The following SFR1 variants were observed in gnomAD, a reference collection of about 807,000 sequenced individuals.
SFR1 encodes SWI5 dependent homologous recombination repair protein 1, also known as swi5-dependent recombination DNA repair protein 1 homolog.
Under a neutral mutation model 26.2 loss-of-function variants are expected in SFR1, and 24 were observed. That is an observed-to-expected ratio of 0.92 (90% CI 0.66 to 1.29). The LOEUF (loss-of-function observed/expected upper bound fraction) is 1.29, where lower values mean the gene tolerates loss of function less well. SFR1 is among the 50% of genes most tolerant of loss of function. The pLI is 0.00. For missense variants in SFR1, 276 were observed against 270.2 expected (o/e 1.02, Z -0.15); for synonymous variants, 77 against 96.6 (o/e 0.80, Z 1.19).
intron 3 of SFR1, among the ~76,000 whole-genome samples, chr10:104,125,179 A>G (rs1302381255): frequency 1.3e-5 from 2 of 152,198 alleles, no homozygotes; most frequent in East Asian, 1.9e-4. Context: ...AGTGGAAAGC[A>G]TAGTGTCATT....
intron 2 of SFR1, 60 bp downstream of exon 2, chr10:104,123,146 G>T: frequency 7.5e-7 from 1 of 1,327,218 alleles, no homozygotes; most frequent in Non-Finnish European, 1.0e-6. Flanking sequence ...TTGTGGCAGT[G>T]GTGGTTTAAA....
At chr10:104,125,047 C>T (rs2087010583) in intron 3 of SFR1, among the ~76,000 whole-genome samples, 2 of 152,298 alleles carry the variant, frequency 1.3e-5, no homozygotes, top group Middle Eastern at 3.4e-3. Context: ...AAGCAGTCCT[C>T]CCACCTTGGC....
At chr10:104,120,235 C>G (rs540688673), upstream of SFR1, among the ~76,000 whole-genome samples, 1 of 152,192 alleles carries the variant, frequency 6.6e-6, no homozygotes, top group African/African-American at 2.4e-5. Context: ...ACAAATCATT[C>G]TGCTTTTTCT....
chr10:104,125,763 G>A lies in SFR1; in HGVS notation c.*59G>A, dbSNP rs1198125065. ...TGACAACTTAATTAAAAGATACTTA[G>A]GCACTTTTTTTTTTTTTTTGAGACT... On this transcript the variant is annotated 3_prime_UTR_variant, in exon 4 of 4. Coordinates refer to ENST00000369727, the MANE Select transcript of SFR1 (RefSeq NM_001002759.2). 3.1e-5 allele frequency: 39 copies of A among 1,240,450 alleles called. No individual in the cohort carries two copies. Among genetic ancestry groups the A allele is most frequent in the Non-Finnish European group, 3.9e-5 (35 of 894,982 alleles). 76.8% of individuals were successfully genotyped at this position (1,240,450 alleles called of 1,614,324 possible). A position where few individuals can be genotyped will look rare whatever the true frequency, so the allele number is the denominator to read the frequency against.
At chr10:104,123,438 G>GGTCTTTTCCTTACTCTGTAATTCTGAA in intron 2 of SFR1, 1 of 384,554 alleles carries the variant, frequency 2.6e-6, no homozygotes. Flanking sequence ...AGTACTATCA[G>GGTCTTTTCCTTACTCTGTAATTCTGAA]GCATGTGCTT....
upstream of SFR1, among the ~76,000 whole-genome samples, chr10:104,121,759 G>A (rs979560049): frequency 6.6e-6 from 1 of 152,190 alleles, no homozygotes; most frequent in African/African-American, 2.4e-5. Context: ...AAACAAGGAA[G>A]CCTGAAGGGA....
rs1564698004 is a variant in SFR1, at chr10:104,126,245, A to G, written c.*541A>G. ...AAAAGTTTTATTTTAAATGTTAAAA[A>G]TTGTCCAATCTGGTGAATGTCTAAC... On this transcript the variant is annotated 3_prime_UTR_variant, in exon 4 of 4. Coordinates refer to ENST00000369727, the MANE Select transcript of SFR1 (RefSeq NM_001002759.2). The G allele has an allele frequency of 6.6e-6, 1 of 152,662 alleles. No homozygotes were observed. Among genetic ancestry groups the G allele is most frequent in the Non-Finnish European group, 1.5e-5 (1 of 68,052 alleles). 9.5% of individuals were successfully genotyped at this position (152,662 alleles called of 1,614,324 possible).
Position 104,123,814 on chromosome 10 carries a change from A to G in SFR1, c.236A>G (p.Asn79Ser). ...CGTCTTAAAGTAGAGAGTGAAGAAA[A>G]TGATCAGACCTTTTCAGAGAAACCA... ...VKRLKVESEE[N>S]DQTFSEKPAS... The change falls in exon 3 of 4, where the codon AAT becomes AGT. Residue 79 changes from asparagine to serine, a missense_variant. Physicochemically the swap from Asn to Ser is conservative, Grantham distance 46. Coordinates refer to ENST00000369727, the MANE Select transcript of SFR1 (RefSeq NM_001002759.2). 1 of 1,612,994 alleles carries G rather than the reference A, an allele frequency of 6.2e-7. No individual in the cohort carries two copies. Among genetic ancestry groups the G allele is most frequent in the Non-Finnish European group, 8.5e-7 (1 of 1,179,912 alleles).
intron 1 of SFR1, chr10:104,122,716 G>GAA: frequency 7.2e-7 from 1 of 1,391,650 alleles, no homozygotes; most frequent in Non-Finnish European, 9.3e-7. Context: ...TGGATGAAAC[G>GAA]AAAACAAGGA....
upstream of SFR1, among the ~76,000 whole-genome samples, chr10:104,120,319 G>A (rs1297621060): frequency 1.3e-5 from 2 of 152,180 alleles, no homozygotes; most frequent in African/African-American, 4.8e-5. Flanking sequence ...AGCTTGGTGA[G>A]GTGAGTAACA....
upstream of SFR1, chr10:104,121,997 G>GC: frequency 1.7e-6 from 1 of 583,978 alleles, no homozygotes; most frequent in Non-Finnish European, 3.0e-6. Flanking sequence ...GCCAAGCCCC[G>GC]CCCCAACCAC....
At position 104,123,730 on chromosome 10, in the gene SFR1, T is replaced by G. The variant is rs1210969874; in HGVS notation, c.152T>G (p.Leu51Arg). 29 of 1,598,524 alleles carry G rather than the reference T, an allele frequency of 1.8e-5. No homozygotes were observed. Among genetic ancestry groups the G allele is most frequent in the Non-Finnish European group, 2.3e-5 (27 of 1,174,570 alleles). The part of the protein sequence containing the change: ...SSRKQPMSAT[L>R]RERLRKTRFS... Reference sequence around the variant, plus strand: ...TCTTTATAGCCTATGAGTGCAACACTTAGAGAAAGATTAAGGAAAACAAGA... The same window carrying G: ...TCTTTATAGCCTATGAGTGCAACACGTAGAGAAAGATTAAGGAAAACAAGA... The change falls in exon 3 of 4, where the codon CTT (leucine) becomes CGT (arginine). Residue 51 changes from leucine (L) to arginine (R), a missense_variant. Transcript: ENST00000369727.
rs773042504 is a variant in SFR1 at position 104,125,917 on chromosome 10, C to T, written c.*213C>T. On this transcript the variant is annotated 3_prime_UTR_variant, in exon 4 of 4. Transcript: ENST00000369727. ...AGTAGCTGAGATTACAGGCGCCCGC[C>T]ACCATGCCCGGCTAATTTTTGCATT... 8.1e-4 allele frequency: 276 copies of T among 342,756 alleles called. No homozygotes were observed. The highest frequency in any genetic ancestry group is 1.1e-3 in the Non-Finnish European group (203 of 185,100). The allele number at this position is 342,756 out of a possible 1,614,324, so 21.2% of individuals were successfully genotyped here.
chr10:104,122,169 T>C (rs2086970020), upstream of SFR1: 1 of 1,549,282 alleles, frequency 6.5e-7, no homozygotes. Context: ...GCGCGCTTTT[T>C]TGCTCTCGCT....
intron 2 of SFR1, 136 bp from the exon 3 acceptor site, chr10:104,123,578 C>A: frequency 1.7e-6 from 1 of 575,604 alleles, no homozygotes; most frequent in Non-Finnish European, 2.9e-6. Flanking sequence ...TTTTGTGATG[C>A]CTTCTTTAGA....
chr10:104,121,017 T>C (rs577316038), upstream of SFR1, among the ~76,000 whole-genome samples: 1 of 152,154 alleles, frequency 6.6e-6, no homozygotes, highest in East Asian at 1.9e-4. Context: ...CAGAAGTTAC[T>C]CAACTCTTTC....
intron 3 of SFR1, 22 bp from the exon 4 acceptor site, chr10:104,125,491 C>T (rs2087015335): frequency 6.3e-7 from 1 of 1,580,510 alleles, no homozygotes; most frequent in African/African-American, 1.4e-5. Flanking sequence ...TATTGACATA[C>T]ATGTTTTTTT....
intron 2 of SFR1, 166 bp downstream of exon 2, chr10:104,123,252 C>T (rs546680933): frequency 2.0e-4 from 112 of 553,640 alleles, no homozygotes; most frequent in Non-Finnish European, 2.4e-4. Context: ...ACATATATGA[C>T]ACCCACCAGC....
chr10:104,122,224 C>T (rs2086971520), intron 1 of SFR1, 28 bp downstream of exon 1: 4 of 1,531,942 alleles, frequency 2.6e-6, no homozygotes, highest in Non-Finnish European at 3.5e-6. Flanking sequence ...AGGGGGGATC[C>T]CTGACACCTG....
Sources: allele counts gnomAD v4.1 joint callset (sites outside exome capture counted in the v4.1 genomes callset), GRCh38; gene constraint gnomAD v4.1.1; transcripts MANE v1.5; gene names NCBI Gene and HGNC (gene_info 2026-07-23, HGNC 2026-07-21).